The following LIMD1 variants were observed in gnomAD, a reference collection of about 807,000 sequenced individuals.
The protein encoded by LIMD1 is LIM domain containing 1.
LIMD1 carries 23 observed loss-of-function variants against 58.4 expected under a neutral mutation model. That is an observed-to-expected ratio of 0.39 (90% CI 0.28 to 0.56). The LOEUF (loss-of-function observed/expected upper bound fraction) is 0.56. LIMD1 is among the 20% of genes least tolerant of loss of function. The pLI is 0.57. For synonymous variants in LIMD1, 334 were observed against 345.5 expected (o/e 0.97, Z 0.37); for missense variants, 838 against 855.5 (o/e 0.98, Z 0.25).
In LIMD1 at chr3:45,617,339, ACCAGT is replaced by A. The variant is rs1233318514; in HGVS notation, c.1409-18807_1409-18803del. On this transcript the variant is annotated intron_variant, in intron 1 of 7. Coordinates refer to ENST00000273317, the MANE Select transcript of LIMD1 (RefSeq NM_014240.3). ...TGGGATTACAGGTGTGAGCCACTGCACCAGTCCAAGATAGTCTTAAAAAGCAATGT... is the reference window on the plus strand; with the variant it reads ...TGGGATTACAGGTGTGAGCCACTGCACCAAGATAGTCTTAAAAAGCAATGT... 8.5e-5 allele frequency among the ~76,000 whole-genome samples: 13 copies of A among 152,144 alleles called. 1 individual carries two copies. Among genetic ancestry groups the A allele is most frequent in the African/African-American group, 3.1e-4 (13 of 41,422 alleles).
At chr3:45,642,127 C>G (rs1367936922) in intron 2 of LIMD1, among the ~76,000 whole-genome samples, 1 of 152,126 alleles carries the variant, frequency 6.6e-6, no homozygotes, top group African/African-American at 2.4e-5. Context: ...ATTTCCCCAT[C>G]TGCTGATGAG....
intron 1 of LIMD1, among the ~76,000 whole-genome samples, chr3:45,598,466 G>A (rs551849689): frequency 3.3e-5 from 5 of 152,310 alleles, no homozygotes; most frequent in East Asian, 1.9e-4. Flanking sequence ...TCAGAGCAAC[G>A]GTATTAGCTG....
chr3:45,674,416 A>T lies in LIMD1; in HGVS notation c.1893+5A>T. The T allele has an allele frequency of 6.2e-7, 1 of 1,607,848 alleles. No individual in the cohort carries two copies. Among genetic ancestry groups the T allele is most frequent in the Non-Finnish European group, 8.5e-7 (1 of 1,175,052 alleles). ...GTGGAGTGTTACCACTGCGAGGTAG[A>T]CCCCTCCCCACCCAGCCCCCAAAGC... On this transcript the variant is annotated splice_donor_5th_base_variant and intron_variant, in intron 7 of 7. Coordinates refer to ENST00000273317, the MANE Select transcript of LIMD1 (RefSeq NM_014240.3).
At chr3:45,606,518 A>G (rs1255234348) in intron 1 of LIMD1, among the ~76,000 whole-genome samples, 1 of 152,204 alleles carries the variant, frequency 6.6e-6, no homozygotes, top group Non-Finnish European at 1.5e-5. Context: ...TCTTCTGTCC[A>G]GGAGCCTGTG....
chr3:45,660,731 G>A (rs1227952026), intron 2 of LIMD1, among the ~76,000 whole-genome samples: 1 of 152,136 alleles, frequency 6.6e-6, no homozygotes, highest in Non-Finnish European at 1.5e-5. Flanking sequence ...GGCTGTTTGT[G>A]TTCCTCGTCA....
chr3:45,602,466 G>A (rs1701425013), intron 1 of LIMD1, among the ~76,000 whole-genome samples: 1 of 152,196 alleles, frequency 6.6e-6, no homozygotes, highest in Admixed American at 6.5e-5. Flanking sequence ...CACCAGCATG[G>A]AGAAAGGAAG....
chr3:45,635,447 G>A (rs752168732), intron 1 of LIMD1, among the ~76,000 whole-genome samples: 2 of 152,222 alleles, frequency 1.3e-5, no homozygotes, highest in Non-Finnish European at 1.5e-5. Flanking sequence ...TGTGGGACTT[G>A]TTAGGGGGTG....
In LIMD1 at chr3:45,669,606, C is replaced by T. The variant is rs7649468; in HGVS notation, c.1641+1250C>T. Among the ~76,000 whole-genome samples the T allele has an allele frequency of 6.3e-3, 957 of 152,284 alleles. 12 individuals are homozygous for T. The highest frequency in any genetic ancestry group is 0.022 in the African/African-American group (903 of 41,554). ...CAAGACCCCACTCCCACAAAGGCAACCATTATTCCAACTTCTATTGCCAGA... is the reference window on the plus strand; with the variant it reads ...CAAGACCCCACTCCCACAAAGGCAATCATTATTCCAACTTCTATTGCCAGA... On this transcript the variant is annotated intron_variant, in intron 4 of 7. Coordinates refer to ENST00000273317, the MANE Select transcript of LIMD1 (RefSeq NM_014240.3).
At chr3:45,627,864 G>A (rs998556432) in intron 1 of LIMD1, among the ~76,000 whole-genome samples, 5 of 151,652 alleles carry the variant, frequency 3.3e-5, no homozygotes, top group African/African-American at 7.3e-5. Flanking sequence ...AAAAATTAGC[G>A]AGGCATGGTG....
intron 2 of LIMD1, among the ~76,000 whole-genome samples, 199 bp from the exon 3 acceptor site, chr3:45,665,451 G>T (rs369869607): frequency 6.6e-6 from 1 of 152,096 alleles, no homozygotes. Context: ...ACCTGCCAGG[G>T]CACCCTTCCT....
At chr3:45,637,810 A>T (rs1559520073) in intron 2 of LIMD1, among the ~76,000 whole-genome samples, 1 of 152,220 alleles carries the variant, frequency 6.6e-6, no homozygotes. Context: ...TGAGTTCTGA[A>T]CCTCATGCTT....
chr3:45,655,202 GA>G, intron 2 of LIMD1, among the ~76,000 whole-genome samples: 1 of 152,172 alleles, frequency 6.6e-6, no homozygotes, highest in East Asian at 1.9e-4. Context: ...TTATAGGCAT[GA>G]GACACCACAC....
Position 45,595,252 on chromosome 3 carries a change from C to G in LIMD1, c.373C>G (p.Pro125Ala), listed in dbSNP as rs944118936. The change falls in exon 1 of 8, where the codon CCC becomes GCC. Residue 125 changes from proline to alanine, a missense_variant. By Grantham distance (27) the Pro-to-Ala change is conservative (BLOSUM62 -1). Around this residue, in one of 3 missense-constraint regions of LIMD1, gnomAD observed 659 missense variants for 639.8 expected, o/e 1.03. Coordinates refer to ENST00000273317, the MANE Select transcript of LIMD1 (RefSeq NM_014240.3). ...GAVTTLAAGQPPYPPQEQRSR... is the reference protein window; with the variant it reads ...GAVTTLAAGQAPYPPQEQRSR... The stretch of plus-strand genomic sequence containing the variant: ...AGTCACCACCCTCGCTGCTGGGCAG[C>G]CCCCGTACCCACCGCAGGAGCAGAG... The G allele has an allele frequency of 3.7e-6, 6 of 1,609,412 alleles. No homozygotes were observed. The African/African-American group carries it at 8.0e-5, about 21-fold the overall frequency.
At chr3:45,637,977 C>T (rs1247293532) in intron 2 of LIMD1, among the ~76,000 whole-genome samples, 1 of 152,138 alleles carries the variant, frequency 6.6e-6, no homozygotes, top group East Asian at 1.9e-4. Flanking sequence ...CTGTGCCTTT[C>T]CTTGTCTTTG....
intron 1 of LIMD1, among the ~76,000 whole-genome samples, chr3:45,629,407 T>G: frequency 8.5e-6 from 1 of 117,604 alleles, no homozygotes; most frequent in Non-Finnish European, 1.7e-5. Flanking sequence ...AGAAGACTCT[T>G]GTCTCAAAAA....
intron 2 of LIMD1, among the ~76,000 whole-genome samples, chr3:45,662,845 A>G (rs1462682101): frequency 6.6e-6 from 1 of 152,150 alleles, no homozygotes; most frequent in East Asian, 1.9e-4. Context: ...TTAGCCGGGT[A>G]TGGTGGTGAG....
intron 2 of LIMD1, among the ~76,000 whole-genome samples, chr3:45,648,970 T>G (rs1378210771): frequency 2.0e-5 from 3 of 152,222 alleles, no homozygotes; most frequent in Non-Finnish European, 4.4e-5. Flanking sequence ...TTTGGGAATA[T>G]TTTCTTTCAT....
Position 45,677,103 on chromosome 3 carries a change from G to T in LIMD1, c.*44G>T, listed in dbSNP as rs369837404. 1.9e-6 allele frequency: 3 copies of T among 1,597,006 alleles called. No homozygotes were observed. The highest frequency in any genetic ancestry group is 2.6e-6 in the Non-Finnish European group (3 of 1,170,868). On this transcript the variant is annotated 3_prime_UTR_variant, in exon 8 of 8. Coordinates refer to ENST00000273317, the MANE Select transcript of LIMD1 (RefSeq NM_014240.3). ...ATCACGGCAGGGGATGAGGAGCCGGGGTTGCTGCTGCTGCTTCCGGTGGCC... is the reference window on the plus strand; with the variant it reads ...ATCACGGCAGGGGATGAGGAGCCGGTGTTGCTGCTGCTGCTTCCGGTGGCC...
At chr3:45,640,000 A>G (rs1206946670) in intron 2 of LIMD1, among the ~76,000 whole-genome samples, 2 of 152,244 alleles carry the variant, frequency 1.3e-5, no homozygotes, top group African/African-American at 4.8e-5. Context: ...TTAGGGGGAC[A>G]TAGACATTCA....
Sources: gnomAD v4.1 joint callset for allele counts (sites outside exome capture counted in the v4.1 genomes callset) on GRCh38, gnomAD v4.1.1 for gene constraint, gnomAD v4.1.1 regional missense constraint, MANE v1.5 for transcripts, NCBI Gene and HGNC (gene_info 2026-07-23, HGNC 2026-07-21) for gene names.